Variants in UGGT2 observed in about 807,000 individuals in gnomAD.
UGGT2 encodes the protein UDP-glucose:glycoprotein glucosyltransferase 2.
Under a neutral mutation model 192.1 loss-of-function variants are expected in UGGT2, and 180 were observed. The ratio of observed to expected loss-of-function variants is 0.94; its 90% CI spans 0.83 to 1.06. UGGT2 has a LOEUF of 1.06. UGGT2 is among the 50% of genes least tolerant of loss of function. UGGT2 has a pLI of 0.00. For synonymous variants in UGGT2, 580 were observed against 591.0 expected, an observed-to-expected ratio of 0.98 and a Z score of 0.27; for missense variants, 1,849 against 1,795.7, an observed-to-expected ratio of 1.03 and a Z score of -0.54.
In UGGT2 at chr13:95,859,796, T is replaced by TG. The variant is rs1452354298; in HGVS notation, c.3741-122dup. The TG allele has an allele frequency of 6.0e-6, 4 of 671,846 alleles. No homozygotes were observed. The African/African-American group carries it at 7.5e-5, about 13-fold the overall frequency. The allele number at this position is 671,846 out of a possible 1,614,324, so 41.6% of individuals were successfully genotyped here. On this transcript the variant is annotated intron_variant, in intron 32 of 38. Transcript: ENST00000376747. ...ATTTCTTAAATTTTACTTTAAGTTC[T>TG]GGGATACATGTGCAGAACATACAGG...
At chr13:95,852,241 C>T (rs762663511) in intron 36 of UGGT2, among the ~76,000 whole-genome samples, 44 of 152,246 alleles carry the variant, frequency 2.9e-4, no homozygotes, top group Non-Finnish European at 5.4e-4. Flanking sequence ...TTTATTCCCC[C>T]CATCTTTATC....
At chr13:95,854,285 A>T in intron 35 of UGGT2, 30 bp downstream of exon 35, 1 of 1,580,348 alleles carries the variant, frequency 6.3e-7, no homozygotes, top group Admixed American at 1.9e-5. Context: ...TTACTTATTT[A>T]CTAAATGGTA....
chr13:95,939,033 G>C (rs969590265), intron 16 of UGGT2, among the ~76,000 whole-genome samples: 1 of 152,030 alleles, frequency 6.6e-6, no homozygotes, highest in Non-Finnish European at 1.5e-5. Flanking sequence ...TTTCACTGTT[G>C]CCAAGAGCTT....
At chr13:96,018,315 A>T (rs1311163873) in intron 4 of UGGT2, among the ~76,000 whole-genome samples, 1 of 152,156 alleles carries the variant, frequency 6.6e-6, no homozygotes, top group Admixed American at 6.5e-5. Context: ...CAGGAATTCG[A>T]GTCCAGCCTG....
At chr13:96,021,151 G>A (rs2052503466) in intron 4 of UGGT2, among the ~76,000 whole-genome samples, 1 of 152,130 alleles carries the variant, frequency 6.6e-6, no homozygotes, top group South Asian at 2.1e-4. Context: ...CATTCCTCAA[G>A]GTTGCTCACT....
intron 36 of UGGT2, among the ~76,000 whole-genome samples, chr13:95,846,440 G>T (rs565836985): frequency 7.9e-5 from 12 of 151,962 alleles, no homozygotes; most frequent in African/African-American, 2.9e-4. Flanking sequence ...GAGGGGGGGA[G>T]GAGGGAGAGG....
chr13:95,905,615 G>A (rs1157236016), intron 20 of UGGT2, among the ~76,000 whole-genome samples: 2 of 151,796 alleles, frequency 1.3e-5, no homozygotes, highest in Non-Finnish European at 1.5e-5. Context: ...GTAGATATGC[G>A]GCGTTATTTC....
intron 38 of UGGT2, among the ~76,000 whole-genome samples, chr13:95,826,839 T>C (rs1886097777): frequency 6.6e-6 from 1 of 151,530 alleles, no homozygotes. Flanking sequence ...TTTCTGAAAC[T>C]AAGTTGATTC....
In UGGT2 at chr13:95,884,619, C is replaced by A; in HGVS notation, c.3100G>T (p.Gly1034Ter). 1 of 1,613,826 alleles carries A rather than the reference C, an allele frequency of 6.2e-7. No individual in the cohort carries two copies. Among genetic ancestry groups the A allele is most frequent in the Non-Finnish European group, 8.5e-7 (1 of 1,179,874 alleles). ...ATATCCAAAAATTTTGCCACTGGTC[C>A]AAGAGAAGAAACGTCATTAGCCCCT... The part of the protein sequence containing the change: ...MSGANDVSSL[G>*]PVAKFLDIPE... The change falls in exon 27 of 39, where the codon GGA becomes TGA. Residue 1034 changes from glycine to a stop codon, truncating the protein, a stop_gained. Coordinates refer to ENST00000376747, the MANE Select transcript of UGGT2 (RefSeq NM_020121.4). LOFTEE classifies it high-confidence loss of function.
intron 12 of UGGT2, among the ~76,000 whole-genome samples, chr13:95,964,188 G>C (rs939933366): frequency 2.0e-5 from 3 of 152,118 alleles, no homozygotes; most frequent in Non-Finnish European, 4.4e-5. Flanking sequence ...ATTGATTTTT[G>C]ATAAAGGTGC....
intron 6 of UGGT2, among the ~76,000 whole-genome samples, chr13:95,997,162 C>T (rs1274109363): frequency 6.6e-6 from 1 of 152,074 alleles, no homozygotes; most frequent in Non-Finnish European, 1.5e-5. Context: ...ATTCATTGGG[C>T]AAACATTTAT....
At chr13:95,855,106 TA>T (rs10713359) in intron 34 of UGGT2, among the ~76,000 whole-genome samples, 19,373 of 49,860 alleles carry the variant, frequency 0.39, 3,234 homozygotes, top group Non-Finnish European at 0.42. Flanking sequence ...ACCCTGTCTG[TA>T]AAAAAAAAAA....
intron 27 of UGGT2, among the ~76,000 whole-genome samples, chr13:95,883,853 T>G (rs756407293): frequency 7.2e-5 from 11 of 152,118 alleles, no homozygotes; most frequent in Admixed American, 1.3e-4. Flanking sequence ...TCATTCTAGA[T>G]TCAACGTTTA....
chr13:95,915,013 A>T (rs1159750383), intron 20 of UGGT2, among the ~76,000 whole-genome samples: 2 of 152,048 alleles, frequency 1.3e-5, no homozygotes, highest in African/African-American at 4.8e-5. Context: ...AAATCCTAAC[A>T]CTTAGAAGCC....
chr13:95,904,295 C>CT (rs1051211541), intron 20 of UGGT2, among the ~76,000 whole-genome samples: 2 of 151,716 alleles, frequency 1.3e-5, no homozygotes, highest in African/African-American at 4.8e-5. Context: ...TCTATATTAT[C>CT]TTTTTTTTAT....
In UGGT2 at chr13:95,837,132, G is replaced by A; in HGVS notation, c.4355C>T (p.Thr1452Ile). 6.2e-7 allele frequency: 1 copy of A among 1,613,980 alleles called. No homozygotes were observed. Among genetic ancestry groups the A allele is most frequent in the Non-Finnish European group, 8.5e-7 (1 of 1,179,952 alleles). The part of the protein sequence containing the change: ...SLPQDWLWCE[T>I]WCDDESKQRA... Reference sequence around the variant, plus strand: ...TTGTTTGGATTCATCATCACACCAGGTTTCACACCACAGCCAGTCTTGAGG... The same window carrying A: ...TTGTTTGGATTCATCATCACACCAGATTTCACACCACAGCCAGTCTTGAGG... The change falls in exon 37 of 39, where the codon ACC becomes ATC. Residue 1452 changes from threonine to isoleucine, a missense_variant. Coordinates refer to ENST00000376747, the MANE Select transcript of UGGT2 (RefSeq NM_020121.4).
intron 15 of UGGT2, among the ~76,000 whole-genome samples, chr13:95,944,956 T>C (rs940370747): frequency 1.3e-5 from 2 of 152,042 alleles, no homozygotes; most frequent in African/African-American, 4.8e-5. Flanking sequence ...AAATTTTGTA[T>C]TGTATATTTT....
intron 38 of UGGT2, chr13:95,809,334 C>A (rs1197820260): frequency 6.3e-6 from 3 of 474,902 alleles, no homozygotes; most frequent in African/African-American, 2.0e-5. Flanking sequence ...TTCTCTCTAG[C>A]TTCATTGGAG....
At chr13:95,820,889 A>T (rs1885443225) in intron 38 of UGGT2, among the ~76,000 whole-genome samples, 1 of 152,096 alleles carries the variant, frequency 6.6e-6, no homozygotes, top group African/African-American at 2.4e-5. Flanking sequence ...TTCACTTAGA[A>T]TAATGGCCAC....
Sources: gnomAD v4.1 joint callset for allele counts (sites outside exome capture counted in the v4.1 genomes callset) on GRCh38, gnomAD v4.1.1 for gene constraint, MANE v1.5 for transcripts, NCBI Gene and HGNC (gene_info 2026-07-23, HGNC 2026-07-21) for gene names.